The following NACC2 variants were observed in gnomAD, a reference collection of about 807,000 sequenced individuals.
NACC2 encodes the protein NACC family member 2.
A neutral mutation model predicts 25.1 loss-of-function variants in NACC2; 8 were observed. The observed-to-expected ratio is 0.32, with a 90% confidence interval of 0.19 to 0.57. The LOEUF (loss-of-function observed/expected upper bound fraction) is 0.57. Ranked by LOEUF, NACC2 falls within the 20% of genes least tolerant of loss-of-function variation. NACC2 has a pLI of 0.89. For synonymous variants in NACC2, 435 were observed against 294.7 expected (o/e 1.48, Z -4.88); for missense variants, 644 against 650.2 (o/e 0.99, Z 0.10).
intron 2 of NACC2, among the ~76,000 whole-genome samples, chr9:136,017,925 G>C (rs1285879569): frequency 2.0e-5 from 3 of 152,218 alleles, no homozygotes; most frequent in Non-Finnish European, 2.9e-5. Flanking sequence ...GCAGGTGGGA[G>C]AGGCCCTTGG....
At chr9:136,073,488 AG>A (rs1003556864) in intron 1 of NACC2, among the ~76,000 whole-genome samples, 1 of 151,664 alleles carries the variant, frequency 6.6e-6, no homozygotes, top group African/African-American at 2.4e-5. Flanking sequence ...TGCAGTGGAC[AG>A]GGGGTGTGAG....
rs747604133 is a variant in NACC2, at chr9:136,011,468, T to C, written c.*48A>G. The C allele has an allele frequency of 2.3e-6, 3 of 1,327,132 alleles. No individual in the cohort carries two copies. The highest frequency in any genetic ancestry group is 2.9e-5 in the East Asian group (1 of 34,954). The allele number at this position is 1,327,132 out of a possible 1,614,324, so 82.2% of individuals were successfully genotyped here. A position where few individuals can be genotyped will look rare whatever the true frequency, so the allele number is the denominator to read the frequency against. ...CACATTTGTTTGTATTAGTAACGCATGCAAGCAGCTCTAGTACTCGGTCCC... is the reference window on the plus strand; with the variant it reads ...CACATTTGTTTGTATTAGTAACGCACGCAAGCAGCTCTAGTACTCGGTCCC... On this transcript the variant is annotated 3_prime_UTR_variant, in exon 6 of 6. Transcript: ENST00000277554.
intron 1 of NACC2, among the ~76,000 whole-genome samples, chr9:136,053,513 C>T (rs1840879448): frequency 6.6e-6 from 1 of 152,212 alleles, no homozygotes. Context: ...GCCACACCCT[C>T]CACCCTCAGG....
intron 2 of NACC2, among the ~76,000 whole-genome samples, chr9:136,047,472 C>G (rs1053070040): frequency 6.6e-6 from 1 of 152,246 alleles, no homozygotes; most frequent in Admixed American, 6.5e-5. Flanking sequence ...GGTAGGTGGG[C>G]GGGAGCAGGC....
intron 1 of NACC2, among the ~76,000 whole-genome samples, chr9:136,093,349 T>C (rs1830452699): frequency 6.6e-6 from 1 of 152,182 alleles, no homozygotes; most frequent in South Asian, 2.1e-4. Flanking sequence ...AAGTCACCAC[T>C]AGCCCCCTGC....
chr9:136,017,277 G>A (rs1249948411), intron 2 of NACC2, among the ~76,000 whole-genome samples: 1 of 152,132 alleles, frequency 6.6e-6, no homozygotes, highest in South Asian at 2.1e-4. Flanking sequence ...CGGGCCCCTC[G>A]GAGGCTCCTG....
rs905037005 is a variant in NACC2, at chr9:136,086,043, G to A, written c.-60+9146C>T. Reference sequence around the variant, plus strand: ...CCGATGGGAGGGGTTGGCAGAGCCCGGAGTCCGGGCGCCACGCAGGGCAGC... The same window carrying A: ...CCGATGGGAGGGGTTGGCAGAGCCCAGAGTCCGGGCGCCACGCAGGGCAGC... On this transcript the variant is annotated intron_variant, in intron 1 of 5. Transcript: ENST00000277554. The surrounding 1 kb of genome is among the most constrained non-coding windows in gnomAD (Gnocchi z 5.6). Among the ~76,000 whole-genome samples, 7 of 151,708 alleles carry A rather than the reference G, an allele frequency of 4.6e-5. No individual in the cohort carries two copies. Among genetic ancestry groups the A allele is most frequent in the South Asian group, 2.1e-4 (1 of 4,812 alleles).
rs1439172571 is a variant in NACC2 at position 136,019,831 on chromosome 9, C to T, written c.887-3402G>A. On this transcript the variant is annotated intron_variant, in intron 2 of 5. Coordinates refer to ENST00000277554, the MANE Select transcript of NACC2 (RefSeq NM_144653.5). This position sits in a 1 kb window ranked among gnomAD's most constrained non-coding sequence, Gnocchi z 5.2. ...CCTTCCAGGCCCTTCTGCTCCCAGC[C>T]GGGCGACACCAGGGGAGCTTGCGAG... Among the ~76,000 whole-genome samples, 2 of 152,132 alleles carry T rather than the reference C, an allele frequency of 1.3e-5. No individual in the cohort carries two copies. Among genetic ancestry groups the T allele is most frequent in the African/African-American group, 2.4e-5 (1 of 41,426 alleles).
At position 136,055,740 on chromosome 9, in the gene NACC2, G is replaced by C. The variant is rs987471147; in HGVS notation, c.-59-5160C>G. 1.3e-5 allele frequency among the ~76,000 whole-genome samples: 2 copies of C among 152,222 alleles called. No individual in the cohort carries two copies. The highest frequency in any genetic ancestry group is 2.9e-5 in the Non-Finnish European group (2 of 68,044). On this transcript the variant is annotated intron_variant, in intron 1 of 5. Transcript: ENST00000277554. This position sits in a 1 kb window ranked among gnomAD's most constrained non-coding sequence, Gnocchi z 4.9. ...GCAAATGCACAGCCATTAAACACGTGGTAGAGGAAGGAGAGAGGCGGGGCA... is the reference window on the plus strand; with the variant it reads ...GCAAATGCACAGCCATTAAACACGTCGTAGAGGAAGGAGAGAGGCGGGGCA...
intron 2 of NACC2, among the ~76,000 whole-genome samples, chr9:136,035,687 T>C (rs1588565620): frequency 6.6e-6 from 1 of 151,096 alleles, no homozygotes; most frequent in Admixed American, 6.6e-5. Flanking sequence ...GTACTGTGAT[T>C]ATATAAGAGA....
intron 1 of NACC2, among the ~76,000 whole-genome samples, chr9:136,067,703 C>T (rs573430146): frequency 2.1e-4 from 32 of 152,204 alleles, no homozygotes; most frequent in African/African-American, 5.8e-4. Context: ...AGCGTGGTGG[C>T]GGGCACCTGT....
rs915364897 is a variant in NACC2, at chr9:136,049,387, T to C, written c.886+249A>G. Among the ~76,000 whole-genome samples, 1,221 of 152,292 alleles carry C rather than the reference T, an allele frequency of 8.0e-3. 16 individuals are homozygous for C. The highest frequency in any genetic ancestry group is 0.028 in the African/African-American group (1,145 of 41,568). On this transcript the variant is annotated intron_variant, in intron 2 of 5. Transcript: ENST00000277554. ...GTCCCTGGGCCACGGGACACCTGCGTTTCCTCATCTATCCAGTGGAGACAA... is the reference window on the plus strand; with the variant it reads ...GTCCCTGGGCCACGGGACACCTGCGCTTCCTCATCTATCCAGTGGAGACAA...
chr9:136,072,244 G>GA (rs112519476), intron 1 of NACC2, among the ~76,000 whole-genome samples: 5 of 137,970 alleles, frequency 3.6e-5, no homozygotes, highest in African/African-American at 1.4e-4. Flanking sequence ...GTCTCAAAAA[G>GA]AAAAAAAAAA....
chr9:136,023,343 C>T (rs1028578637), intron 2 of NACC2, among the ~76,000 whole-genome samples: 1 of 151,960 alleles, frequency 6.6e-6, no homozygotes, highest in African/African-American at 2.4e-5. Context: ...CGCCAGGGCA[C>T]CTGGGCCTGC....
chr9:136,090,190 T>G (rs1241493363), intron 1 of NACC2, among the ~76,000 whole-genome samples: 3 of 152,214 alleles, frequency 2.0e-5, no homozygotes, highest in Non-Finnish European at 4.4e-5. Flanking sequence ...AGAAGGGAGA[T>G]GGGCACAGCC....
chr9:136,045,675 G>A (rs1262401588), intron 2 of NACC2, among the ~76,000 whole-genome samples: 8 of 152,078 alleles, frequency 5.3e-5, no homozygotes, highest in African/African-American at 9.7e-5. Flanking sequence ...CCTGTCCCTC[G>A]ACCTCAGCGG....
chr9:136,007,936 A>C lies in NACC2; in HGVS notation c.*3580T>G, dbSNP rs1231265527. On this transcript the variant is annotated 3_prime_UTR_variant, in exon 6 of 6. Transcript: ENST00000277554. ...AGAGGGGGACCAGCCCTCCCTCCCT[A>C]CCTTCCGCCTTCCTCCTGGCTCTAA... 1 of 152,202 alleles carries C rather than the reference A, an allele frequency of 6.6e-6. No individual in the cohort carries two copies. The highest frequency in any genetic ancestry group is 1.5e-5 in the Non-Finnish European group (1 of 68,060). 9.4% of individuals were successfully genotyped at this position (152,202 alleles called of 1,614,324 possible).
At chr9:136,093,829 C>T (rs1323665433) in intron 1 of NACC2, among the ~76,000 whole-genome samples, 1 of 100,482 alleles carries the variant, frequency 1.0e-5, no homozygotes, top group Non-Finnish European at 2.0e-5. Flanking sequence ...GCGGGTGGGG[C>T]GGGGGCTGCC....
At position 136,093,252 on chromosome 9, in the gene NACC2, A is replaced by G. The variant is rs142998446; in HGVS notation, c.-60+1937T>C. Among the ~76,000 whole-genome samples, 370 of 152,382 alleles carry G rather than the reference A, an allele frequency of 2.4e-3. 3 individuals are homozygous for G. The highest frequency in any genetic ancestry group is 9.1e-3 in the East Asian group (47 of 5,184). ...GAGTGCAGGCCTGGAAGAACCGCTC[A>G]GCACCAAGATCGTCACTGTTGTTTC... On this transcript the variant is annotated intron_variant, in intron 1 of 5. Transcript: ENST00000277554.
Sources: allele counts gnomAD v4.1 joint callset (sites outside exome capture counted in the v4.1 genomes callset), GRCh38; gene constraint gnomAD v4.1.1; non-coding constraint Gnocchi (gnomAD v3.1); transcripts MANE v1.5; gene names NCBI Gene and HGNC (gene_info 2026-07-23, HGNC 2026-07-21).